Variants in RAB1A observed in about 807,000 individuals in gnomAD.
RAB1A encodes the protein RAB1A, member RAS oncogene family.
RAB1A carries 2 observed loss-of-function variants against 26.0 expected under a neutral mutation model. The observed-to-expected ratio is 0.08, with a 90% CI of 0.03 to 0.24. The LOEUF is 0.24. Ranked by LOEUF, RAB1A falls within the 10% of genes least tolerant of loss-of-function variation. The probability of loss-of-function intolerance (pLI) is 1.00; values close to 1 mark genes in which losing one functional copy is unlikely to be tolerated. For missense variants in RAB1A, 100 were observed against 247.0 expected, an observed-to-expected ratio of 0.40 and a Z score of 3.99; for synonymous variants, 84 against 84.9, an observed-to-expected ratio of 0.99 and a Z score of 0.06.
intron 1 of RAB1A, among the ~76,000 whole-genome samples, chr2:65,112,691 T>C (rs550459028): frequency 1.1e-4 from 17 of 152,308 alleles, no homozygotes; most frequent in Admixed American, 6.5e-4. Context: ...AGAATAAGCC[T>C]GGACAGAAAG....
chr2:65,116,239 G>T (rs898608005), intron 1 of RAB1A, among the ~76,000 whole-genome samples: 1 of 152,156 alleles, frequency 6.6e-6, no homozygotes, highest in African/African-American at 2.4e-5. Context: ...ACCAAAGGAA[G>T]CAGCAAGTGA....
intron 1 of RAB1A, among the ~76,000 whole-genome samples, chr2:65,105,881 G>C (rs929518214): frequency 6.6e-6 from 1 of 152,020 alleles, no homozygotes; most frequent in Admixed American, 6.6e-5. Context: ...TCCTGCCTCA[G>C]CCTCCCGAGT....
In RAB1A at chr2:65,103,304, A is replaced by AAAAAAAC. The variant is rs1553392769; in HGVS notation, c.96+1429_96+1430insGTTTTTT. Among the ~76,000 whole-genome samples the AAAAAAAC allele has an allele frequency of 1.5e-4, 17 of 112,534 alleles. 2 individuals are homozygous for AAAAAAAC. Among genetic ancestry groups the AAAAAAAC allele is most frequent in the Non-Finnish European group, 3.1e-4 (17 of 54,958 alleles). 73.8% of individuals were successfully genotyped at this position (112,534 alleles called of 152,430 possible). A position where few individuals can be genotyped will look rare whatever the true frequency, so the allele number is the denominator to read the frequency against. ...AACACAGCCAGAATCTGTCTCAAAAAAAAAAAAAAACATTGTTTTATGTGA... is the reference window on the plus strand; with the variant it reads ...AACACAGCCAGAATCTGTCTCAAAAAAAAAAACAAAAAAAAAACATTGTTTTATGTGA... On this transcript the variant is annotated intron_variant, in intron 2 of 5. Coordinates refer to ENST00000409784, the MANE Select transcript of RAB1A (RefSeq NM_004161.5).
intron 2 of RAB1A, among the ~76,000 whole-genome samples, chr2:65,099,510 T>C (rs1669368864): frequency 6.6e-6 from 1 of 152,216 alleles, no homozygotes; most frequent in African/African-American, 2.4e-5. Context: ...AGAACGGCAC[T>C]GCCAAACAGA....
chr2:65,107,710 C>T (rs771788038), intron 1 of RAB1A, among the ~76,000 whole-genome samples: 1 of 152,110 alleles, frequency 6.6e-6, no homozygotes, highest in Non-Finnish European at 1.5e-5. Flanking sequence ...GCCAGGCATC[C>T]AGTAAACACT....
At chr2:65,101,996 G>A (rs1669442728) in intron 2 of RAB1A, among the ~76,000 whole-genome samples, 2 of 151,950 alleles carry the variant, frequency 1.3e-5, no homozygotes, top group Non-Finnish European at 2.9e-5. Flanking sequence ...TGATCCGCCA[G>A]CCTCAGCCTC....
chr2:65,111,537 G>T (rs1241370322), intron 1 of RAB1A, among the ~76,000 whole-genome samples: 1 of 152,068 alleles, frequency 6.6e-6, no homozygotes, highest in South Asian at 2.1e-4. Context: ...ATACAATATG[G>T]TATACTGAAT....
intron 1 of RAB1A, among the ~76,000 whole-genome samples, chr2:65,114,598 C>T (rs1295034840): frequency 6.6e-6 from 1 of 151,716 alleles, no homozygotes; most frequent in Non-Finnish European, 1.5e-5. Context: ...AATCCCAGCA[C>T]TTTGGGAGGC....
chr2:65,100,067 T>G (rs1167031309), intron 2 of RAB1A, among the ~76,000 whole-genome samples: 3 of 152,198 alleles, frequency 2.0e-5, no homozygotes, highest in Non-Finnish European at 4.4e-5. Context: ...AACTGTATTT[T>G]GCAGGTTGAT....
At chr2:65,116,869 A>G (rs899046522) in intron 1 of RAB1A, among the ~76,000 whole-genome samples, 1 of 152,270 alleles carries the variant, frequency 6.6e-6, no homozygotes, top group African/African-American at 2.4e-5. Flanking sequence ...CAGCAAGAGA[A>G]GGCAGCCCTC....
At chr2:65,088,744 T>TA (rs1669097468) in intron 5 of RAB1A, 54 bp from the exon 6 acceptor site, 3 of 1,465,320 alleles carry the variant, frequency 2.0e-6, no homozygotes, top group Non-Finnish European at 2.8e-6. Context: ...CACTAATTCT[T>TA]AGTGCATTTC....
rs1448699368 is a variant in RAB1A at position 65,087,757 on chromosome 2, G to A, written c.*736C>T. On this transcript the variant is annotated 3_prime_UTR_variant, in exon 6 of 6. Coordinates refer to ENST00000409784, the MANE Select transcript of RAB1A (RefSeq NM_004161.5). ...AAATACTGGATGCTGCTCTAAGATA[G>A]GTCTAGAATACCTTAGTTTGCATTG... is the stretch of plus-strand genomic sequence containing the variant. 1 of 152,620 alleles carries A rather than the reference G, an allele frequency of 6.6e-6. No individual in the cohort carries two copies. Among genetic ancestry groups the A allele is most frequent in the East Asian group, 1.9e-4 (1 of 5,204 alleles). 9.5% of individuals were successfully genotyped at this position (152,620 alleles called of 1,614,324 possible).
chr2:65,111,079 T>C (rs1458201388), intron 1 of RAB1A, among the ~76,000 whole-genome samples: 1 of 151,972 alleles, frequency 6.6e-6, no homozygotes, highest in Non-Finnish European at 1.5e-5. Flanking sequence ...CTCAAAATAT[T>C]GGCCAGGCAT....
At chr2:65,106,805 T>C (rs546103420) in intron 1 of RAB1A, among the ~76,000 whole-genome samples, 4 of 151,720 alleles carry the variant, frequency 2.6e-5, no homozygotes, top group Non-Finnish European at 4.4e-5. Context: ...CAACAATTTG[T>C]ACTTGGCAGT....
chr2:65,104,867 C>CGT, intron 1 of RAB1A, 61 bp from the exon 2 acceptor site: 1 of 1,242,070 alleles, frequency 8.1e-7, no homozygotes, highest in Non-Finnish European at 1.2e-6. Context: ...ATAAGCTATA[C>CGT]AAAAACAAAA....
chr2:65,090,062 T>C (rs1669135780), intron 4 of RAB1A, among the ~76,000 whole-genome samples: 1 of 152,226 alleles, frequency 6.6e-6, no homozygotes, highest in Admixed American at 6.5e-5. Flanking sequence ...ACTAGAGATG[T>C]CAAAAGATGT....
chr2:65,112,233 C>G (rs144403138), intron 1 of RAB1A, among the ~76,000 whole-genome samples: 23 of 151,402 alleles, frequency 1.5e-4, no homozygotes, highest in African/African-American at 5.6e-4. Flanking sequence ...GCAACCTCCA[C>G]CTCCCCCGGG....
chr2:65,105,999 A>T (rs565795529), intron 1 of RAB1A, among the ~76,000 whole-genome samples: 7 of 152,218 alleles, frequency 4.6e-5, no homozygotes, highest in South Asian at 2.1e-4. Flanking sequence ...TGACCTCATG[A>T]TCTGCCCGCC....
At chr2:65,102,054 T>C (rs776048247) in intron 2 of RAB1A, among the ~76,000 whole-genome samples, 1 of 152,114 alleles carries the variant, frequency 6.6e-6, no homozygotes, top group Non-Finnish European at 1.5e-5. Flanking sequence ...GCCAGCAATT[T>C]GTATTACTTC....
Sources: gnomAD v4.1 joint callset for allele counts (sites outside exome capture counted in the v4.1 genomes callset) on GRCh38, gnomAD v4.1.1 for gene constraint, MANE v1.5 for transcripts, NCBI Gene and HGNC (gene_info 2026-07-23, HGNC 2026-07-21) for gene names.